GALNT1: variants seen among roughly 807,000 people sequenced by gnomAD.
GALNT1 encodes the protein GalNAc transferase 1.
In GALNT1, 17 loss-of-function variants were observed where a neutral mutation model predicts 65.7. The observed-to-expected ratio is 0.26, with a 90% confidence interval of 0.18 to 0.39. The LOEUF (loss-of-function observed/expected upper bound fraction) is 0.39. Ranked by LOEUF, GALNT1 falls within the 10% of genes least tolerant of loss-of-function variation. The pLI is 1.00. For missense variants in GALNT1, 460 were observed against 672.8 expected (o/e 0.68, Z 3.50); for synonymous variants, 210 against 219.7 (o/e 0.96, Z 0.39).
Position 35,695,125 on chromosome 18 carries a change from C to G in GALNT1, c.1299+2805C>G, listed in dbSNP as rs2048033453. On this transcript the variant is annotated intron_variant, in intron 9 of 11. Coordinates refer to ENST00000269195, the MANE Select transcript of GALNT1 (RefSeq NM_020474.4). ...CCTGAATATACTTAACACTACTAAA[C>G]TGTACACTTGAAAACAGTTTAGATG... is the stretch of plus-strand genomic sequence containing the variant. Among the ~76,000 whole-genome samples the G allele has an allele frequency of 2.0e-5, 3 of 152,190 alleles. No individual in the cohort carries two copies. In the South Asian group the frequency reaches 6.2e-4, roughly 31 times the overall value.
At chr18:35,639,803 T>C (rs2047138205) in intron 1 of GALNT1, among the ~76,000 whole-genome samples, 1 of 152,212 alleles carries the variant, frequency 6.6e-6, no homozygotes, top group Non-Finnish European at 1.5e-5. Flanking sequence ...TAGATTTCTT[T>C]TTTCTTTTGT....
intron 1 of GALNT1, among the ~76,000 whole-genome samples, chr18:35,602,329 A>G (rs1196013434): frequency 1.3e-5 from 2 of 152,050 alleles, no homozygotes; most frequent in Non-Finnish European, 2.9e-5. Context: ...TTTGATCATT[A>G]TATCTTGGGG....
chr18:35,597,270 C>T (rs1360402928), intron 1 of GALNT1: 1 of 152,150 alleles, frequency 6.6e-6, no homozygotes, highest in Non-Finnish European at 1.5e-5. Context: ...TTGCAAGAAC[C>T]TCCAGGAATC....
intron 7 of GALNT1, among the ~76,000 whole-genome samples, chr18:35,690,797 A>G (rs1242796615): frequency 6.6e-6 from 1 of 152,182 alleles, no homozygotes; most frequent in African/African-American, 2.4e-5. Flanking sequence ...TTTAAAAACT[A>G]TCAATGTCAT....
chr18:35,663,833 T>C (rs1206471040), intron 3 of GALNT1, 31 bp downstream of exon 3: 3 of 1,596,176 alleles, frequency 1.9e-6, no homozygotes, highest in South Asian at 2.2e-5. Context: ...TGATAGTATG[T>C]GAATGAAAAG....
chr18:35,625,823 G>A (rs1008116761), intron 1 of GALNT1, among the ~76,000 whole-genome samples: 60 of 152,108 alleles, frequency 3.9e-4, no homozygotes, highest in African/African-American at 1.3e-3. Context: ...AAACTCCAAC[G>A]CAGTGTTCTC....
At chr18:35,703,705 T>G in intron 11 of GALNT1, 62 bp downstream of exon 11, 1 of 1,495,972 alleles carries the variant, frequency 6.7e-7, no homozygotes, top group South Asian at 1.3e-5. Flanking sequence ...ATTTATATAC[T>G]TTATATCTAA....
rs557235825 is a variant in GALNT1, at chr18:35,657,439, C to T, written c.139+2638C>T. ...TTGAGGAACTGGTAGCGATGTTCTG[C>T]AGTAGAGAATGGTCGAGATGGAGAA... On this transcript the variant is annotated intron_variant, in intron 2 of 11. Coordinates refer to ENST00000269195, the MANE Select transcript of GALNT1 (RefSeq NM_020474.4). Among the ~76,000 whole-genome samples, 3 of 152,258 alleles carry T rather than the reference C, an allele frequency of 2.0e-5. No homozygotes were observed. In the South Asian group the frequency reaches 6.2e-4, roughly 32 times the overall value.
chr18:35,625,714 C>G (rs2046908472), intron 1 of GALNT1, among the ~76,000 whole-genome samples: 1 of 152,110 alleles, frequency 6.6e-6, no homozygotes, highest in African/African-American at 2.4e-5. Context: ...GGAGGAAGTT[C>G]CTGCTGGATC....
At chr18:35,624,224 T>C (rs1333179517) in intron 1 of GALNT1, among the ~76,000 whole-genome samples, 1 of 149,564 alleles carries the variant, frequency 6.7e-6, no homozygotes, top group African/African-American at 2.4e-5. Flanking sequence ...GGTTCTCACT[T>C]TTCTAGTATT....
chr18:35,685,623 G>A (rs1344608704), intron 5 of GALNT1, among the ~76,000 whole-genome samples: 3 of 152,138 alleles, frequency 2.0e-5, no homozygotes, highest in Non-Finnish European at 4.4e-5. Context: ...CTTAGGTTTT[G>A]CAGTACTACA....
At chr18:35,702,745 A>G (rs1568037221) in intron 9 of GALNT1, 152 bp from the exon 10 acceptor site, 1 of 443,142 alleles carries the variant, frequency 2.3e-6, no homozygotes, top group Admixed American at 4.0e-5. Flanking sequence ...AGACCAATGA[A>G]TTTTAGATAC....
At chr18:35,693,533 T>A (rs1274851238) in intron 9 of GALNT1, among the ~76,000 whole-genome samples, 1 of 152,156 alleles carries the variant, frequency 6.6e-6, no homozygotes, top group African/African-American at 2.4e-5. Flanking sequence ...GGAGAAAAAC[T>A]ATATGGAAAC....
chr18:35,603,826 T>A (rs1217180633), intron 1 of GALNT1, among the ~76,000 whole-genome samples: 3 of 152,188 alleles, frequency 2.0e-5, no homozygotes, highest in Admixed American at 6.5e-5. Flanking sequence ...GTTTAAGCAG[T>A]TTGAGGTGGA....
intron 1 of GALNT1, among the ~76,000 whole-genome samples, chr18:35,639,958 G>A (rs548088957): frequency 9.2e-5 from 14 of 151,914 alleles, no homozygotes; most frequent in African/African-American, 2.2e-4. Context: ...CACCACAGCC[G>A]GCTAATTTTT....
intron 1 of GALNT1, among the ~76,000 whole-genome samples, chr18:35,632,440 G>C (rs1242264656): frequency 6.6e-6 from 1 of 152,140 alleles, no homozygotes; most frequent in Non-Finnish European, 1.5e-5. Flanking sequence ...ACAAAAACAA[G>C]AAATGGGGAA....
chr18:35,629,143 G>T (rs1345559343), intron 1 of GALNT1, among the ~76,000 whole-genome samples: 1 of 152,176 alleles, frequency 6.6e-6, no homozygotes, highest in Non-Finnish European at 1.5e-5. Flanking sequence ...AAAACACTCT[G>T]CAGGATATTA....
At chr18:35,674,403 C>T (rs1029632112) in intron 3 of GALNT1, among the ~76,000 whole-genome samples, 5 of 152,220 alleles carry the variant, frequency 3.3e-5, no homozygotes, top group Middle Eastern at 3.4e-3. Context: ...TGAAGCTCAG[C>T]GGGGTGAATG....
At chr18:35,618,268 T>C (rs2046810000) in intron 1 of GALNT1, among the ~76,000 whole-genome samples, 1 of 152,280 alleles carries the variant, frequency 6.6e-6, no homozygotes, top group South Asian at 2.1e-4. Flanking sequence ...CATTAAAAAG[T>C]ATATATTCTT....
Sources: gnomAD v4.1 joint callset for allele counts (sites outside exome capture counted in the v4.1 genomes callset) on GRCh38, gnomAD v4.1.1 for gene constraint, MANE v1.5 for transcripts, NCBI Gene and HGNC (gene_info 2026-07-23, HGNC 2026-07-21) for gene names.